The following RBFOX3 variants were observed in gnomAD, a reference collection of about 807,000 sequenced individuals.
The protein encoded by RBFOX3 is RNA binding fox-1 homolog 3, also known as RNA binding protein fox-1 homolog 3.
RBFOX3 carries 17 observed loss-of-function variants against 48.7 expected under a neutral mutation model. The ratio of observed to expected loss-of-function variants is 0.35; its 90% CI spans 0.24 to 0.52. RBFOX3 has a LOEUF of 0.52. Ranked by LOEUF, RBFOX3 falls within the 20% of genes least tolerant of loss-of-function variation. RBFOX3 has a pLI of 0.94. For missense variants in RBFOX3, 382 were observed against 497.5 expected (o/e 0.77, Z 2.21); for synonymous variants, 212 against 209.5 (o/e 1.01, Z -0.10).
chr17:79,179,844 C>A (rs189670797), intron 4 of RBFOX3, among the ~76,000 whole-genome samples: 58 of 152,200 alleles, frequency 3.8e-4, no homozygotes, highest in African/African-American at 1.4e-3. Context: ...CACTGGCCAT[C>A]ATGCACCAGC....
At chr17:79,134,903 G>C (rs955085700) in intron 4 of RBFOX3, 2 of 152,256 alleles carry the variant, frequency 1.3e-5, no homozygotes, top group African/African-American at 2.4e-5. Flanking sequence ...CTGAGTCCAT[G>C]GGAAAGGCCA....
intron 11 of RBFOX3, 33 bp downstream of exon 11, chr17:79,097,259 C>T (rs1190117176): frequency 1.3e-6 from 2 of 1,517,464 alleles, no homozygotes; most frequent in Admixed American, 2.0e-5. Context: ...GTCCTACCCC[C>T]TCCTCCACGC....
In RBFOX3 at chr17:79,115,641, G is replaced by A; in HGVS notation, c.75C>T (p.Pro25=). ...AGTAGTCCTGCGTGGGGTGCGGTGG[G>A]GGCGGGGCGTACTCGGCAGGGATGC... ...QNGIPAEYAP[P]PPHPTQDYSG... Residue 25 remains proline (P), a synonymous_variant, in exon 5 of 15, where the codon CCC becomes CCT. Transcript: ENST00000693108. 1.4e-6 allele frequency: 2 copies of A among 1,440,202 alleles called. No individual in the cohort carries two copies. The highest frequency in any genetic ancestry group is 1.8e-6 in the Non-Finnish European group (2 of 1,093,920). The allele number at this position is 1,440,202 out of a possible 1,614,324, so 89.2% of individuals were successfully genotyped here.
chr17:79,298,127 C>T (rs1175917237), intron 3 of RBFOX3: 2 of 152,242 alleles, frequency 1.3e-5, no homozygotes, highest in African/African-American at 4.8e-5. Context: ...GAGATGTCTT[C>T]TGGAAGTCAG....
At chr17:79,455,275 G>A (rs560852456) in intron 2 of RBFOX3, among the ~76,000 whole-genome samples, 8 of 152,320 alleles carry the variant, frequency 5.3e-5, no homozygotes, top group African/African-American at 1.9e-4. Context: ...GGGGAGCGGA[G>A]AGGGGGAGAG....
intron 2 of RBFOX3, among the ~76,000 whole-genome samples, chr17:79,339,290 G>T (rs540575671): frequency 1.3e-5 from 2 of 152,144 alleles, no homozygotes; most frequent in East Asian, 3.8e-4. Context: ...TCCTGAGCTC[G>T]AGTGATCCTC....
intron 2 of RBFOX3, among the ~76,000 whole-genome samples, chr17:79,358,149 T>G (rs1048282975): frequency 6.6e-6 from 1 of 152,162 alleles, no homozygotes; most frequent in South Asian, 2.1e-4. Flanking sequence ...TCCACCTATG[T>G]TGCCCAAGCT....
chr17:79,569,084 GA>G lies in RBFOX3; in HGVS notation c.-320+41741del, dbSNP rs1282902133. ...TTCATTGTGGAAACATCTATAGCAA[GA>G]AAAAAAAAAAAACCTTGCCATTTCA... On this transcript the variant is annotated intron_variant, in intron 1 of 14. Transcript: ENST00000693108. 1.9e-3 allele frequency among the ~76,000 whole-genome samples: 263 copies of G among 137,234 alleles called. 1 individual carries two copies. In the Middle Eastern group the frequency reaches 0.038, roughly 20 times the overall value. The allele number at this position is 137,234 out of a possible 152,430, so 90.0% of individuals were successfully genotyped here.
the RBFOX3 span, among the ~76,000 whole-genome samples, chr17:79,660,493 C>G: frequency 1.3e-5 from 2 of 152,116 alleles, no homozygotes; most frequent in African/African-American, 4.8e-5. Context: ...GAGATATGAA[C>G]AGACACATCT....
At chr17:79,186,940 G>A (rs1310282388) in intron 4 of RBFOX3, among the ~76,000 whole-genome samples, 3 of 152,224 alleles carry the variant, frequency 2.0e-5, no homozygotes, top group Non-Finnish European at 2.9e-5. Flanking sequence ...TGGGCAGGGC[G>A]TGTCTTCCCC....
intron 2 of RBFOX3, among the ~76,000 whole-genome samples, chr17:79,413,050 A>G (rs2064724761): frequency 6.6e-6 from 1 of 152,172 alleles, no homozygotes; most frequent in African/African-American, 2.4e-5. Flanking sequence ...TAAGAAGGAA[A>G]ATTGGGCATT....
At chr17:79,507,793 G>A (rs960844753) in intron 1 of RBFOX3, among the ~76,000 whole-genome samples, 1 of 152,178 alleles carries the variant, frequency 6.6e-6, no homozygotes, top group Non-Finnish European at 1.5e-5. Flanking sequence ...CTCCTTTACA[G>A]GTGAGAGAAC....
rs961667294 is a variant in RBFOX3, at chr17:79,514,003, A to G, written c.-319-31405T>C. On this transcript the variant is annotated intron_variant, in intron 1 of 14. Coordinates refer to ENST00000693108, the MANE Select transcript of RBFOX3 (RefSeq NM_001350451.2). ...ATGTGACCAGACCTGCCAATCCTTG[A>G]AGCACTGTGATTGGTCCAGGGGCAG... 1.1e-4 allele frequency among the ~76,000 whole-genome samples: 17 copies of G among 152,262 alleles called. No homozygotes were observed. In the East Asian group the frequency reaches 2.7e-3, roughly 24 times the overall value.
chr17:79,577,020 AG>A (rs1402078752), intron 1 of RBFOX3, among the ~76,000 whole-genome samples: 1,611 of 152,184 alleles, frequency 0.011, 31 homozygotes, highest in African/African-American at 0.037. Flanking sequence ...ACTAGGATGG[AG>A]GGGGATTACT....
chr17:79,273,952 T>C (rs1273285703), intron 3 of RBFOX3, among the ~76,000 whole-genome samples: 1 of 152,178 alleles, frequency 6.6e-6, no homozygotes, highest in Non-Finnish European at 1.5e-5. Context: ...GGCACAACTC[T>C]TCCAGGGTTG....
chr17:79,585,798 C>T lies in RBFOX3; in HGVS notation c.-320+25028G>A, dbSNP rs947184850. 9.1e-4 allele frequency among the ~76,000 whole-genome samples: 138 copies of T among 152,224 alleles called. 1 individual carries two copies. The highest frequency in any genetic ancestry group is 3.2e-3 in the African/African-American group (133 of 41,534). ...CTGAACTCAGGGTGGACAGATGAGC[C>T]TGATGGGCCGAGAGACAAGAGAAAG... On this transcript the variant is annotated intron_variant, in intron 1 of 14. Coordinates refer to ENST00000693108, the MANE Select transcript of RBFOX3 (RefSeq NM_001350451.2).
At chr17:79,126,559 A>G (rs1412495134) in intron 4 of RBFOX3, among the ~76,000 whole-genome samples, 1 of 152,096 alleles carries the variant, frequency 6.6e-6, no homozygotes, top group Non-Finnish European at 1.5e-5. Context: ...CCTGCCTGGA[A>G]GCAGGGGTGG....
intron 3 of RBFOX3, among the ~76,000 whole-genome samples, chr17:79,273,427 G>A (rs1567956809): frequency 6.6e-6 from 1 of 152,148 alleles, no homozygotes; most frequent in Non-Finnish European, 1.5e-5. Flanking sequence ...TTTTAGGGTG[G>A]GGTGGATGGA....
intron 2 of RBFOX3, among the ~76,000 whole-genome samples, chr17:79,399,313 C>T (rs531515842): frequency 2.0e-5 from 3 of 152,300 alleles, no homozygotes; most frequent in East Asian, 1.9e-4. Flanking sequence ...ATGAGGAAAC[C>T]GAGGCACCGG....
Sources: allele counts gnomAD v4.1 joint callset (sites outside exome capture counted in the v4.1 genomes callset), GRCh38; gene constraint gnomAD v4.1.1; transcripts MANE v1.5; gene names NCBI Gene and HGNC (gene_info 2026-07-23, HGNC 2026-07-21).